Variants in COTL1 observed in about 807,000 individuals in gnomAD.
COTL1 encodes coactosin-like protein.
COTL1 carries 15 observed loss-of-function variants against 16.5 expected under a neutral mutation model. The observed-to-expected ratio is 0.91, with a 90% CI of 0.61 to 1.40. The LOEUF is 1.40. COTL1 is among the 40% of genes most tolerant of loss of function. The pLI is 0.00. For missense variants in COTL1, 220 were observed against 201.5 expected, an observed-to-expected ratio of 1.09 and a Z score of -0.56; for synonymous variants, 112 against 85.3, an observed-to-expected ratio of 1.31 and a Z score of -1.73.
chr16:84,570,483 C>CA (rs71823059), intron 3 of COTL1, among the ~76,000 whole-genome samples: 72,350 of 147,212 alleles, frequency 0.49, 17,970 homozygotes, highest in Admixed American at 0.66. Flanking sequence ...TTTCAAACTA[C>CA]AAAAAAAAAA....
At chr16:84,601,506 G>A (rs1221887472) in intron 2 of COTL1, among the ~76,000 whole-genome samples, 1 of 151,914 alleles carries the variant, frequency 6.6e-6, no homozygotes, top group Non-Finnish European at 1.5e-5. Context: ...CACCCAGGCT[G>A]GAGTGCAGGG....
rs913124022 is a variant in COTL1, at chr16:84,618,030, G to A, written c.-116C>T. On this transcript the variant is annotated 5_prime_UTR_variant, in exon 1 of 4. Coordinates refer to ENST00000262428, the MANE Select transcript of COTL1 (RefSeq NM_021149.5). The stretch of plus-strand genomic sequence containing the variant: ...GGGCGCACGGGCTGGCGGCGGTGGC[G>A]ACGGCTACGCGGCGCCTGCAAGCTG... 4 of 484,772 alleles carry A rather than the reference G, an allele frequency of 8.3e-6. No individual in the cohort carries two copies. Among genetic ancestry groups the A allele is most frequent in the South Asian group, 8.8e-5 (1 of 11,330 alleles). The allele number at this position is 484,772 out of a possible 1,614,324, so 30.0% of individuals were successfully genotyped here.
intron 2 of COTL1, among the ~76,000 whole-genome samples, chr16:84,601,821 G>C (rs1294409605): frequency 1.3e-5 from 2 of 152,190 alleles, no homozygotes; most frequent in African/African-American, 2.4e-5. Flanking sequence ...GAGGGTTCTT[G>C]TTGACAATTT....
intron 3 of COTL1, among the ~76,000 whole-genome samples, chr16:84,578,575 ACAC>A (rs2150682639): frequency 6.6e-6 from 1 of 152,270 alleles, no homozygotes; most frequent in South Asian, 2.1e-4. Context: ...GGAGGAACAG[ACAC>A]ACACAGGCAT....
At chr16:84,608,783 G>A (rs1905261813) in intron 2 of COTL1, among the ~76,000 whole-genome samples, 2 of 152,198 alleles carry the variant, frequency 1.3e-5, no homozygotes, top group South Asian at 4.1e-4. Context: ...GCAGGCGCCT[G>A]TAGTCCCTGC....
At chr16:84,599,465 T>C (rs566576303) in intron 2 of COTL1, among the ~76,000 whole-genome samples, 1 of 152,328 alleles carries the variant, frequency 6.6e-6, no homozygotes, top group East Asian at 1.9e-4. Flanking sequence ...CTTTTTAGCG[T>C]AAGTCCTTTG....
At chr16:84,578,517 T>C (rs1597169633) in intron 3 of COTL1, among the ~76,000 whole-genome samples, 2 of 152,154 alleles carry the variant, frequency 1.3e-5, no homozygotes. Context: ...GGAAGTGAAG[T>C]AGCCAGCAGA....
chr16:84,567,231 G>A (rs1008773448), intron 3 of COTL1: 4 of 344,578 alleles, frequency 1.2e-5, no homozygotes, highest in Non-Finnish European at 2.2e-5. Context: ...GCCCGAGGAA[G>A]CTGGGGCTTG....
At chr16:84,602,211 G>C (rs1597182145) in intron 2 of COTL1, among the ~76,000 whole-genome samples, 2 of 151,562 alleles carry the variant, frequency 1.3e-5, no homozygotes, top group East Asian at 3.9e-4. Context: ...ATGGGGGTGG[G>C]GGGGGTGCCA....
chr16:84,581,693 T>C (rs1329500235), intron 3 of COTL1, among the ~76,000 whole-genome samples: 1 of 152,034 alleles, frequency 6.6e-6, no homozygotes, highest in East Asian at 1.9e-4. Context: ...TTAGTAGAGA[T>C]GAGAGTTCCC....
intron 3 of COTL1, among the ~76,000 whole-genome samples, chr16:84,579,631 A>T (rs1164418126): frequency 1.3e-5 from 2 of 152,220 alleles, no homozygotes; most frequent in Non-Finnish European, 2.9e-5. Flanking sequence ...GTAGTGGCTG[A>T]TCACTTAGCT....
At chr16:84,598,347 C>T (rs1905047129) in intron 2 of COTL1, among the ~76,000 whole-genome samples, 1 of 152,166 alleles carries the variant, frequency 6.6e-6, no homozygotes. Flanking sequence ...CCTAGAAGCC[C>T]CAGGCAGGGC....
At chr16:84,585,572 G>T (rs569420974) in intron 3 of COTL1, among the ~76,000 whole-genome samples, 1 of 152,284 alleles carries the variant, frequency 6.6e-6, no homozygotes, top group South Asian at 2.1e-4. Context: ...GTGCAGCTGG[G>T]GAAGTGACCT....
chr16:84,598,816 G>A lies in COTL1; in HGVS notation c.161-8554C>T, dbSNP rs1215879698. On this transcript the variant is annotated intron_variant, in intron 2 of 3. Transcript: ENST00000262428. Reference sequence around the variant, plus strand: ...CAAGTGGGGGCGGCGGGGACCAAGCGGCAGGGGTGGGGGGGAGCAAGCAGG... The same window carrying A: ...CAAGTGGGGGCGGCGGGGACCAAGCAGCAGGGGTGGGGGGGAGCAAGCAGG... 1.0e-3 allele frequency among the ~76,000 whole-genome samples: 154 copies of A among 147,330 alleles called. 1 individual carries two copies. Among genetic ancestry groups the A allele is most frequent in the African/African-American group, 2.6e-3 (107 of 40,400 alleles).
At chr16:84,601,773 T>A (rs1905109746) in intron 2 of COTL1, among the ~76,000 whole-genome samples, 1 of 152,202 alleles carries the variant, frequency 6.6e-6, no homozygotes, top group Non-Finnish European at 1.5e-5. Context: ...TCTTGAAGGA[T>A]GACTCAGAGT....
intron 2 of COTL1, among the ~76,000 whole-genome samples, chr16:84,615,301 G>A (rs148486451): frequency 2.6e-5 from 4 of 152,296 alleles, no homozygotes; most frequent in East Asian, 3.9e-4. Context: ...CGCCAGACAC[G>A]CGCCACTCCC....
intron 3 of COTL1, among the ~76,000 whole-genome samples, chr16:84,579,436 G>A (rs931673007): frequency 4.0e-5 from 6 of 151,024 alleles, no homozygotes; most frequent in Admixed American, 2.0e-4. Flanking sequence ...GCTGTGAGCC[G>A]AGATCGTGCC....
chr16:84,613,903 G>A (rs1315343800), intron 2 of COTL1, among the ~76,000 whole-genome samples: 1 of 151,956 alleles, frequency 6.6e-6, no homozygotes, highest in Non-Finnish European at 1.5e-5. Flanking sequence ...GTCTAGGGAT[G>A]GGCACATGAC....
At chr16:84,607,308 T>A (rs980025988) in intron 2 of COTL1, among the ~76,000 whole-genome samples, 16 of 150,958 alleles carry the variant, frequency 1.1e-4, no homozygotes, top group African/African-American at 3.9e-4. Context: ...GGGAAGAGAG[T>A]CCACAGGCCT....
Sources: gnomAD v4.1 joint callset for allele counts (sites outside exome capture counted in the v4.1 genomes callset) on GRCh38, gnomAD v4.1.1 for gene constraint, MANE v1.5 for transcripts, NCBI Gene and HGNC (gene_info 2026-07-23, HGNC 2026-07-21) for gene names.